The following PLA2G7 variants were observed in gnomAD, a reference collection of about 807,000 sequenced individuals.
PLA2G7 encodes platelet-activating factor acetylhydrolase.
In PLA2G7, 63 loss-of-function variants were observed where a neutral mutation model predicts 49.6. That is an observed-to-expected ratio of 1.27 (90% CI 1.04 to 1.57). PLA2G7 has a LOEUF of 1.57. Among genes scored for constraint, PLA2G7 ranks in the 40% most tolerant of loss-of-function variants. The pLI, the probability that PLA2G7 is intolerant of heterozygous loss-of-function variation, is 0.00. For synonymous variants in PLA2G7, 193 were observed against 169.9 expected (o/e 1.14, Z -1.06); for missense variants, 596 against 521.2 (o/e 1.14, Z -1.40).
intron 1 of PLA2G7, among the ~76,000 whole-genome samples, chr6:46,725,779 T>C (rs1765553511): frequency 6.6e-6 from 1 of 152,186 alleles, no homozygotes; most frequent in Non-Finnish European, 1.5e-5. Context: ...TAACAGATTT[T>C]TTTCCAGAGG....
chr6:46,717,396 G>A (rs1765246303), intron 2 of PLA2G7, among the ~76,000 whole-genome samples: 1 of 152,154 alleles, frequency 6.6e-6, no homozygotes, highest in African/African-American at 2.4e-5. Context: ...GTAAATTAAA[G>A]ATGACTTCAC....
At chr6:46,723,370 T>C (rs1251112658) in intron 1 of PLA2G7, among the ~76,000 whole-genome samples, 1 of 152,212 alleles carries the variant, frequency 6.6e-6, no homozygotes, top group Non-Finnish European at 1.5e-5. Flanking sequence ...TCTGCTGCTG[T>C]GGTTGTTTTG....
intron 1 of PLA2G7, among the ~76,000 whole-genome samples, chr6:46,728,354 T>C (rs923719667): frequency 6.6e-6 from 1 of 152,216 alleles, no homozygotes; most frequent in Non-Finnish European, 1.5e-5. Context: ...TCAGGGATGC[T>C]GTTAAGCATC....
rs41330644 is a variant in PLA2G7 at position 46,709,457 on chromosome 6, G to T, written c.778-39C>A. 5 of 1,107,992 alleles carry T rather than the reference G, an allele frequency of 4.5e-6. No individual in the cohort carries two copies. The South Asian group carries it at 5.0e-5, about 11-fold the overall frequency. The allele number at this position is 1,107,992 out of a possible 1,614,324, so 68.6% of individuals were successfully genotyped here. Reference sequence around the variant, plus strand: ...CATGATATAAATTTATAGCTATTTCGTGGTGTTAGAAGAAATGATTTTGTC... The same window carrying T: ...CATGATATAAATTTATAGCTATTTCTTGGTGTTAGAAGAAATGATTTTGTC... On this transcript the variant is annotated intron_variant, in intron 8 of 11. Coordinates refer to ENST00000274793, the MANE Select transcript of PLA2G7 (RefSeq NM_005084.4).
At chr6:46,734,638 C>G (rs1765858992) in intron 1 of PLA2G7, among the ~76,000 whole-genome samples, 1 of 151,818 alleles carries the variant, frequency 6.6e-6, no homozygotes, top group South Asian at 2.1e-4. Context: ...GTGGCGAACA[C>G]AGCGAAACCC....
chr6:46,734,775 ATCGCGCC>A (rs895792005), intron 1 of PLA2G7, among the ~76,000 whole-genome samples: 9 of 151,814 alleles, frequency 5.9e-5, no homozygotes, highest in African/African-American at 2.2e-4. Flanking sequence ...GTGAGTCGAG[ATCGCGCC>A]TCTGCACTCC....
In PLA2G7 at chr6:46,711,447, T is replaced by G. The variant is rs759640510; in HGVS notation, c.663+49A>C. 6.2e-6 allele frequency: 10 copies of G among 1,605,716 alleles called. 1 individual carries two copies. The South Asian group carries it at 6.6e-5, about 11-fold the overall frequency. On this transcript the variant is annotated intron_variant, in intron 7 of 11. Coordinates refer to ENST00000274793, the MANE Select transcript of PLA2G7 (RefSeq NM_005084.4). ...ATTAAATTAACAAATGTCATCCTTT[T>G]GTACATGCTTTTAGGTCACCAACCA...
chr6:46,715,340 G>A (rs1415427090), intron 4 of PLA2G7, among the ~76,000 whole-genome samples: 2 of 152,188 alleles, frequency 1.3e-5, no homozygotes, highest in Admixed American at 6.5e-5. Context: ...ATGCAGCTCT[G>A]CCACTTCCTA....
intron 7 of PLA2G7, 67 bp downstream of exon 7, chr6:46,711,429 T>TAAC (rs918013641): frequency 1.5e-5 from 23 of 1,569,512 alleles, no homozygotes; most frequent in Non-Finnish European, 1.8e-5. Flanking sequence ...AAAATTAAAT[T>TAAC]AACAAATGTC....
chr6:46,708,009 C>G lies in PLA2G7; in HGVS notation c.1022G>C (p.Arg341Thr), dbSNP rs766620629. Residue 341 changes from arginine to threonine, a missense_variant, in exon 10 of 12, where the codon AGA (arginine) becomes ACA (threonine). Coordinates refer to ENST00000274793, the MANE Select transcript of PLA2G7 (RefSeq NM_005084.4). ...MKKCYSPDKE[R>T]KMITIRGSVH... The stretch of plus-strand genomic sequence containing the variant: ...TACTTACCTGATTGTAATCATCTTT[C>G]TTTCTTTATCAGGTGAGTAGCATTT... The G allele has an allele frequency of 6.4e-7, 1 of 1,571,118 alleles. No individual in the cohort carries two copies. The highest frequency in any genetic ancestry group is 1.7e-5 in the Admixed American group (1 of 59,740).
chr6:46,716,495 C>G lies in PLA2G7; in HGVS notation c.265G>C (p.Asp89His), dbSNP rs1210877518. Reference protein sequence around the residue: ...TFLRLYYPSQDNDRLDTLWIP... With the variant: ...TFLRLYYPSQHNDRLDTLWIP... ...CAAAGGGTGTCAAGGCGATCATTAT[C>G]TTGGGATGGATAATATAAACGCAAG... The change falls in exon 4 of 12, where the codon GAT becomes CAT. Residue 89 changes from aspartate to histidine, a missense_variant. Physicochemically the swap from Asp to His is moderately conservative, Grantham distance 81. Coordinates refer to ENST00000274793, the MANE Select transcript of PLA2G7 (RefSeq NM_005084.4). 1 of 1,613,934 alleles carries G rather than the reference C, an allele frequency of 6.2e-7. No homozygotes were observed. Among genetic ancestry groups the G allele is most frequent in the Admixed American group, 1.7e-5 (1 of 60,010 alleles).
Position 46,704,585 on chromosome 6 carries a change from G to A in PLA2G7, c.1301C>T (p.Ser434Phe). The A allele has an allele frequency of 6.3e-7, 1 of 1,593,738 alleles. No homozygotes were observed. The highest frequency in any genetic ancestry group is 8.6e-7 in the Non-Finnish European group (1 of 1,161,910). The stretch of plus-strand genomic sequence containing the variant: ...CTAATTGTATTTCTCTATTCCTGAA[G>A]AGTTCTGTAACATGATGTGTTGATT... ...TTNQHIMLQN[S>F]SGIEKYN The change falls in exon 12 of 12, where the codon TCT (serine) becomes TTT (phenylalanine). Residue 434 changes from serine (S) to phenylalanine (F), a missense_variant. Ser to Phe is a radical substitution (Grantham distance 155). Coordinates refer to ENST00000274793, the MANE Select transcript of PLA2G7 (RefSeq NM_005084.4).
chr6:46,718,939 T>A (rs1050249731), intron 2 of PLA2G7, among the ~76,000 whole-genome samples: 1 of 152,234 alleles, frequency 6.6e-6, no homozygotes, highest in Non-Finnish European at 1.5e-5. Flanking sequence ...GCCACTGGTC[T>A]CTCTTGTTTT....
At chr6:46,715,335 G>T (rs1333631748) in intron 4 of PLA2G7, among the ~76,000 whole-genome samples, 2 of 152,206 alleles carry the variant, frequency 1.3e-5, no homozygotes, top group Non-Finnish European at 2.9e-5. Context: ...CATGGATGCA[G>T]CTCTGCCACT....
intron 1 of PLA2G7, among the ~76,000 whole-genome samples, chr6:46,726,580 C>T (rs1354190947): frequency 1.3e-5 from 2 of 152,048 alleles, no homozygotes; most frequent in Non-Finnish European, 2.9e-5. Context: ...TTGATACAGC[C>T]GTCTTCATCA....
rs148492491 is a variant in PLA2G7, at chr6:46,714,599, G to A, written c.377-46C>T. ...ATAGTTAAGGTTTTCTCTGAGTGTT[G>A]CTAGTGAATTTAATTCATATCTCAT... On this transcript the variant is annotated intron_variant, in intron 4 of 11. Transcript: ENST00000274793. The A allele has an allele frequency of 5.9e-5, 66 of 1,117,236 alleles. No individual in the cohort carries two copies. In the African/African-American group the frequency reaches 9.8e-4, roughly 17 times the overall value. 69.2% of individuals were successfully genotyped at this position (1,117,236 alleles called of 1,614,324 possible).
chr6:46,728,800 T>C (rs1582588587), intron 1 of PLA2G7, among the ~76,000 whole-genome samples: 1 of 152,208 alleles, frequency 6.6e-6, no homozygotes, highest in African/African-American at 2.4e-5. Flanking sequence ...AATGGCTACA[T>C]GATGGTTAGG....
At chr6:46,727,756 C>G (rs1365483673) in intron 1 of PLA2G7, among the ~76,000 whole-genome samples, 1 of 152,104 alleles carries the variant, frequency 6.6e-6, no homozygotes, top group South Asian at 2.1e-4. Flanking sequence ...CTCAACCCAC[C>G]ATGGCTGGTT....
chr6:46,716,887 G>A (rs1258764271), intron 3 of PLA2G7, 88 bp downstream of exon 3: 4 of 1,341,730 alleles, frequency 3.0e-6, no homozygotes, highest in South Asian at 1.2e-5. Flanking sequence ...TCAGGTGAGG[G>A]CAAGGTCACA....
Sources: gnomAD v4.1 joint callset for allele counts (sites outside exome capture counted in the v4.1 genomes callset) on GRCh38, gnomAD v4.1.1 for gene constraint, MANE v1.5 for transcripts, NCBI Gene and HGNC (gene_info 2026-07-23, HGNC 2026-07-21) for gene names.